RARB: variants seen among roughly 807,000 people sequenced by gnomAD.
RARB encodes the protein retinoic acid receptor beta, also known as HBV-activated protein.
RARB carries 17 observed loss-of-function variants against 51.9 expected under a neutral mutation model. The observed-to-expected ratio is 0.33, with a 90% CI of 0.22 to 0.49. RARB has a LOEUF of 0.49. Among genes scored for constraint, RARB ranks in the 20% least tolerant of loss-of-function variants. RARB has a pLI of 0.99. For synonymous variants in RARB, 215 were observed against 195.4 expected (o/e 1.10, Z -0.84); for missense variants, 369 against 550.8 (o/e 0.67, Z 3.30).
chr3:25,234,958 C>T (rs1192132954), intron 5 of RARB, among the ~76,000 whole-genome samples: 1 of 151,996 alleles, frequency 6.6e-6, no homozygotes, highest in Non-Finnish European at 1.5e-5. Flanking sequence ...TAGAGCAGGA[C>T]TTGGGAGAAA....
At chr3:24,857,633 G>A (rs1041373727) in intron 1 of RARB, among the ~76,000 whole-genome samples, 2 of 152,070 alleles carry the variant, frequency 1.3e-5, no homozygotes, top group Non-Finnish European at 2.9e-5. Context: ...ATGCTGTTTC[G>A]ACTTCAGTGC....
chr3:24,949,963 A>G (rs9874157), intron 2 of RARB, among the ~76,000 whole-genome samples: 47,811 of 151,850 alleles, frequency 0.31, 8,404 homozygotes, highest in African/African-American at 0.48. Flanking sequence ...ATCACACCCA[A>G]TAACAGAGGG....
At chr3:24,972,891 A>T (rs1278473128) in intron 2 of RARB, among the ~76,000 whole-genome samples, 1 of 151,894 alleles carries the variant, frequency 6.6e-6, no homozygotes, top group Non-Finnish European at 1.5e-5. Flanking sequence ...ATCCCTTGTC[A>T]TATAGTTTGC....
chr3:25,543,967 T>A (rs1699499383), intron 3 of RARB, among the ~76,000 whole-genome samples: 1 of 152,196 alleles, frequency 6.6e-6, no homozygotes, highest in Admixed American at 6.5e-5. Flanking sequence ...TGTGTAATCA[T>A]GATGTATAAA....
At chr3:24,866,198 T>C (rs371492465) in intron 2 of RARB, among the ~76,000 whole-genome samples, 102 of 152,214 alleles carry the variant, frequency 6.7e-4, no homozygotes, top group African/African-American at 2.3e-3. Flanking sequence ...ACCATTCTCT[T>C]ATGCTTTCCA....
chr3:24,973,513 T>A (rs927732994), intron 2 of RARB, among the ~76,000 whole-genome samples: 5 of 152,080 alleles, frequency 3.3e-5, no homozygotes, highest in Admixed American at 2.6e-4. Context: ...ATAACTCATA[T>A]TTTGTTAGGG....
rs189069460 is a variant in RARB, at chr3:25,341,881, G to A, written c.179-119312G>A. Among the ~76,000 whole-genome samples, 24 of 151,830 alleles carry A rather than the reference G, an allele frequency of 1.6e-4. 1 individual carries two copies. In the East Asian group the frequency reaches 3.5e-3, roughly 22 times the overall value. Reference sequence around the variant, plus strand: ...CTTTTCCTGACACACCTCAAACTACGCTAATTTCCTGTAATATCCTCATTT... The same window carrying A: ...CTTTTCCTGACACACCTCAAACTACACTAATTTCCTGTAATATCCTCATTT... On this transcript the variant is annotated intron_variant, in intron 5 of 11. Coordinates refer to the RARB transcript ENST00000383772.
intron 5 of RARB, among the ~76,000 whole-genome samples, chr3:25,309,440 C>T (rs991208982): frequency 6.1e-5 from 9 of 148,222 alleles, no homozygotes; most frequent in Non-Finnish European, 7.4e-5. Flanking sequence ...TGCCCGGCCT[C>T]CTCTATTCTT....
chr3:25,063,730 A>G (rs1223314445), intron 3 of RARB, among the ~76,000 whole-genome samples: 1 of 151,036 alleles, frequency 6.6e-6, no homozygotes, highest in Non-Finnish European at 1.5e-5. Context: ...TTTTTTAAAA[A>G]GATGAGGAAA....
chr3:25,403,725 A>G (rs1042532909), intron 5 of RARB, among the ~76,000 whole-genome samples: 3 of 151,744 alleles, frequency 2.0e-5, no homozygotes, highest in Admixed American at 6.6e-5. Flanking sequence ...AGCTTTTTGG[A>G]TGAGTTCTGA....
At chr3:25,513,305 CAG>C (rs1697995494) in intron 3 of RARB, among the ~76,000 whole-genome samples, 1 of 150,200 alleles carries the variant, frequency 6.7e-6, no homozygotes, top group Non-Finnish European at 1.5e-5. Context: ...AAGAAAGAGA[CAG>C]AGAGGGAGAG....
In RARB at chr3:25,020,551, C is replaced by A. The variant is rs1432601377; in HGVS notation, c.-379-39574C>A. ...AGAAAGCAAATTCGTCTAATATATC[C>A]TTCCCTGATGCTGGTTTTAAATACC... On this transcript the variant is annotated intron_variant, in intron 2 of 11. Transcript: ENST00000383772. The A allele has an allele frequency of 2.0e-5, 3 of 152,054 alleles. 1 individual carries two copies. In the East Asian group the frequency reaches 5.8e-4, roughly 29 times the overall value. The allele number at this position is 152,054 out of a possible 1,614,324, so 9.4% of individuals were successfully genotyped here. A position where few individuals can be genotyped will look rare whatever the true frequency, so the allele number is the denominator to read the frequency against.
At chr3:25,479,092 A>G (rs1696102338) in intron 2 of RARB, among the ~76,000 whole-genome samples, 1 of 151,964 alleles carries the variant, frequency 6.6e-6, no homozygotes, top group Non-Finnish European at 1.5e-5. Flanking sequence ...TGAAACAGGC[A>G]TGAATTCTGT....
chr3:25,053,149 C>T (rs146035326), intron 2 of RARB, among the ~76,000 whole-genome samples: 16 of 152,142 alleles, frequency 1.1e-4, no homozygotes, highest in African/African-American at 3.6e-4. Flanking sequence ...GCAATTGAAG[C>T]GACGTAATTA....
chr3:25,195,200 T>C (rs1241527368), intron 5 of RARB, among the ~76,000 whole-genome samples: 10 of 151,966 alleles, frequency 6.6e-5, no homozygotes, highest in Non-Finnish European at 2.9e-5. Flanking sequence ...ATTTTTTTTT[T>C]CCAAACAGTT....
chr3:24,930,837 T>C (rs1204612971), intron 2 of RARB, among the ~76,000 whole-genome samples: 1 of 151,994 alleles, frequency 6.6e-6, no homozygotes, highest in Non-Finnish European at 1.5e-5. Flanking sequence ...AGTGAGATGG[T>C]GTCTCCCCAC....
At chr3:24,858,695 AAGAC>A (rs1702680144) in exon 2 of RARB, 1 of 152,168 alleles carries the variant, frequency 6.6e-6, no homozygotes, top group Non-Finnish European at 1.5e-5. Context: ...TCATCATAAA[AAGAC>A]AGTCACCAGT....
At chr3:25,474,729 G>C (rs181441885) in intron 2 of RARB, among the ~76,000 whole-genome samples, 262 of 152,052 alleles carry the variant, frequency 1.7e-3, no homozygotes, top group African/African-American at 6.0e-3. Context: ...GTAGAAAGAG[G>C]GTATCAGAAA....
chr3:25,157,007 C>G (rs1040064281), intron 4 of RARB, among the ~76,000 whole-genome samples: 1 of 152,124 alleles, frequency 6.6e-6, no homozygotes. Flanking sequence ...CACGTTCATA[C>G]GTTTGTCATT....
Sources: allele counts gnomAD v4.1 joint callset (sites outside exome capture counted in the v4.1 genomes callset), GRCh38; gene constraint gnomAD v4.1.1; transcripts MANE v1.5; gene names NCBI Gene and HGNC (gene_info 2026-07-23, HGNC 2026-07-21).